The following PI4K2B variants were observed in gnomAD, a reference collection of about 807,000 sequenced individuals.
PI4K2B encodes phosphatidylinositol 4-kinase type 2 beta.
Under a neutral mutation model 56.6 loss-of-function variants are expected in PI4K2B, and 46 were observed. The ratio of observed to expected loss-of-function variants is 0.81; its 90% CI spans 0.64 to 1.04. The LOEUF (loss-of-function observed/expected upper bound fraction) is 1.04, where lower values mean the gene tolerates loss of function less well. Ranked by LOEUF, PI4K2B falls within the 50% of genes least tolerant of loss-of-function variation. The pLI, the probability that PI4K2B is intolerant of heterozygous loss-of-function variation, is 0.00. For missense variants in PI4K2B, 556 were observed against 607.7 expected (o/e 0.91, Z 0.89); for synonymous variants, 211 against 223.8 (o/e 0.94, Z 0.51).
chr4:25,252,508 G>A, intron 2 of PI4K2B, 33 bp downstream of exon 2: 2 of 1,373,536 alleles, frequency 1.5e-6, no homozygotes, highest in Non-Finnish European at 2.1e-6. Context: ...ATATGTAATG[G>A]AAACTTTGGT....
Position 25,260,587 on chromosome 4 carries a change from A to T in PI4K2B, c.974A>T (p.His325Leu). 1 of 1,184,354 alleles carries T rather than the reference A, an allele frequency of 8.4e-7. No homozygotes were observed. The highest frequency in any genetic ancestry group is 1.1e-6 in the Non-Finnish European group (1 of 871,978). 73.4% of individuals were successfully genotyped at this position (1,184,354 alleles called of 1,614,324 possible). ...CAGAAATGTGAAAAGGAAATTGACC[A>T]TAAGGTAAGGAAATTTACAATTTTA... Reference protein sequence around the residue: ...EKQKCEKEIDHKESKWIDDEE... With the variant: ...EKQKCEKEIDLKESKWIDDEE... The change falls in exon 6 of 10, where the codon CAT becomes CTT. Residue 325 changes from histidine to leucine, a missense_variant. Physicochemically the swap from His to Leu is moderately conservative, Grantham distance 99. Transcript: ENST00000264864.
intron 6 of PI4K2B, among the ~76,000 whole-genome samples, chr4:25,261,528 A>G (rs1014797179): frequency 2.0e-5 from 3 of 152,180 alleles, no homozygotes; most frequent in African/African-American, 7.2e-5. Context: ...ATATTTCTTC[A>G]ATATTTATAA....
intron 1 of PI4K2B, among the ~76,000 whole-genome samples, chr4:25,251,975 C>T (rs1196148361): frequency 6.6e-6 from 1 of 152,102 alleles, no homozygotes; most frequent in African/African-American, 2.4e-5. Context: ...AGGTGCCCAC[C>T]ACCACATCTG....
chr4:25,257,790 C>A (rs948198111), intron 4 of PI4K2B, among the ~76,000 whole-genome samples: 1 of 152,142 alleles, frequency 6.6e-6, no homozygotes, highest in Non-Finnish European at 1.5e-5. Context: ...GCTTGTTCTT[C>A]CTTAGACATG....
At chr4:25,240,206 A>G (rs1225171992) in intron 1 of PI4K2B, among the ~76,000 whole-genome samples, 1 of 152,194 alleles carries the variant, frequency 6.6e-6, no homozygotes, top group African/African-American at 2.4e-5. Flanking sequence ...CTTTTCCTGT[A>G]AACACCAGGT....
intron 3 of PI4K2B, 88 bp downstream of exon 3, chr4:25,255,353 A>G (rs1374328160): frequency 8.4e-7 from 1 of 1,183,838 alleles, no homozygotes; most frequent in African/African-American, 1.5e-5. Flanking sequence ...TAATGATAGA[A>G]CCTAAAGTGG....
Position 25,268,340 on chromosome 4 carries a change from T to G in PI4K2B, c.1079-103T>G. On this transcript the variant is annotated intron_variant, in intron 7 of 9. Transcript: ENST00000264864. Reference sequence around the variant, plus strand: ...CTCTGATTAAGTTCTTATCCTGTCCTTTTTTGGGGAGAACCTAGGAGTTGT... The same window carrying G: ...CTCTGATTAAGTTCTTATCCTGTCCGTTTTTGGGGAGAACCTAGGAGTTGT... 2.1e-5 allele frequency: 20 copies of G among 934,402 alleles called. No homozygotes were observed. The South Asian group carries it at 3.0e-4, about 14-fold the overall frequency. 57.9% of individuals were successfully genotyped at this position (934,402 alleles called of 1,614,324 possible). A position where few individuals can be genotyped will look rare whatever the true frequency, so the allele number is the denominator to read the frequency against.
At chr4:25,249,400 C>T (rs1181295275) in intron 1 of PI4K2B, among the ~76,000 whole-genome samples, 4 of 53,990 alleles carry the variant, frequency 7.4e-5, no homozygotes, top group Non-Finnish European at 1.4e-4. Context: ...GGCAGAGGCG[C>T]CCCTCCACCC....
Position 25,277,156 on chromosome 4 carries a change from AT to A in PI4K2B, c.1417del (p.Cys473AlafsTer46). 1.2e-6 allele frequency: 2 copies of A among 1,613,202 alleles called. No homozygotes were observed. The highest frequency in any genetic ancestry group is 1.7e-6 in the Non-Finnish European group (2 of 1,179,324). ...HLSNSFTQTV[N>X]CRKPFFSSW ...AGCAATTCCTTTACCCAGACTGTCA[AT>A]TGCAGGAAGCCATTTTTTTCCTCCT... On this transcript the variant is annotated frameshift_variant, in exon 10 of 10. Coordinates refer to ENST00000264864, the MANE Select transcript of PI4K2B (RefSeq NM_018323.4). LOFTEE classifies it high-confidence loss of function.
intron 8 of PI4K2B, 27 bp downstream of exon 8, chr4:25,268,603 G>A (rs771770864): frequency 1.4e-6 from 2 of 1,470,484 alleles, no homozygotes. Context: ...TTTGATTATT[G>A]CAGAAAATGA....
chr4:25,263,218 C>T (rs36095260), intron 6 of PI4K2B, among the ~76,000 whole-genome samples: 10 of 152,066 alleles, frequency 6.6e-5, no homozygotes, highest in Non-Finnish European at 1.2e-4. Flanking sequence ...TGGGTGGGGA[C>T]ACAGCCAAAA....
intron 9 of PI4K2B, among the ~76,000 whole-genome samples, 187 bp downstream of exon 9, chr4:25,269,390 G>A (rs960969821): frequency 2.5e-4 from 38 of 152,100 alleles, no homozygotes; most frequent in African/African-American, 9.2e-4. Context: ...TAATCCCAGT[G>A]CTTTGGGAGG....
intron 1 of PI4K2B, among the ~76,000 whole-genome samples, chr4:25,240,220 A>C (rs185269025): frequency 2.0e-5 from 3 of 152,302 alleles, no homozygotes; most frequent in Middle Eastern, 3.4e-3. Flanking sequence ...ACCAGGTGGC[A>C]TCTCGTACTG....
chr4:25,258,213 C>CTTTTTTTTTTTTTTT (rs545122643), intron 4 of PI4K2B, among the ~76,000 whole-genome samples: 4 of 119,012 alleles, frequency 3.4e-5, no homozygotes, highest in Non-Finnish European at 5.3e-5. Flanking sequence ...GGAATCTGTC[C>CTTTTTTTTTTTTTTT]TTTTTTTTTT....
intron 2 of PI4K2B, among the ~76,000 whole-genome samples, chr4:25,254,189 A>G (rs1188426887): frequency 6.6e-6 from 1 of 152,192 alleles, no homozygotes; most frequent in Non-Finnish European, 1.5e-5. Flanking sequence ...TTGTCATTGG[A>G]TTAGTTAATT....
chr4:25,234,974 TTTAG>T lies in PI4K2B; in HGVS notation c.268+546_268+549del, dbSNP rs35708906. On this transcript the variant is annotated intron_variant, in intron 1 of 9. Coordinates refer to ENST00000264864, the MANE Select transcript of PI4K2B (RefSeq NM_018323.4). ...AAAGTCTGTTCCTGCCCTCTTACAG[TTTAG>T]TTTCTCTTTCTTGATTTACTTCTAA... 0.014 allele frequency among the ~76,000 whole-genome samples: 2,169 copies of T among 152,326 alleles called. 121 individuals are homozygous for T. The East Asian group carries it at 0.18, about 13-fold the overall frequency.
At chr4:25,267,886 A>T in intron 7 of PI4K2B, 1 of 983,786 alleles carries the variant, frequency 1.0e-6, no homozygotes, top group South Asian at 4.7e-5. Flanking sequence ...TCAATTTCTG[A>T]TGATTTGTAG....
At chr4:25,257,136 C>T (rs1344921115) in intron 4 of PI4K2B, among the ~76,000 whole-genome samples, 3 of 151,664 alleles carry the variant, frequency 2.0e-5, no homozygotes, top group African/African-American at 7.3e-5. Flanking sequence ...GGGCTTACTG[C>T]AGCCTCGACC....
chr4:25,256,725 C>T, intron 4 of PI4K2B, 51 bp downstream of exon 4: 2 of 1,551,948 alleles, frequency 1.3e-6, no homozygotes, highest in South Asian at 2.3e-5. Flanking sequence ...CACATACATC[C>T]TGAGCTCTAG....
Sources: gnomAD v4.1 joint callset for allele counts (sites outside exome capture counted in the v4.1 genomes callset) on GRCh38, gnomAD v4.1.1 for gene constraint, MANE v1.5 for transcripts, NCBI Gene and HGNC (gene_info 2026-07-23, HGNC 2026-07-21) for gene names.